The following CCDC152 variants were observed in gnomAD, a reference collection of about 807,000 sequenced individuals.
The protein encoded by CCDC152 is coiled-coil domain-containing protein 152.
CCDC152 carries 37 observed loss-of-function variants against 38.1 expected under a neutral mutation model. The ratio of observed to expected loss-of-function variants is 0.97; its 90% CI spans 0.75 to 1.28. The LOEUF (loss-of-function observed/expected upper bound fraction) is 1.28, where lower values mean the gene tolerates loss of function less well. CCDC152 is among the 50% of genes most tolerant of loss of function. The pLI is 0.00. For synonymous variants in CCDC152, 83 were observed against 87.1 expected, an observed-to-expected ratio of 0.95 and a Z score of 0.26; for missense variants, 259 against 292.1, an observed-to-expected ratio of 0.89 and a Z score of 0.83.
chr5:42,766,427 A>G, intron 3 of CCDC152, among the ~76,000 whole-genome samples: 1 of 152,172 alleles, frequency 6.6e-6, no homozygotes, highest in East Asian at 1.9e-4. Context: ...TATACACAGA[A>G]GAAAGGAAAT....
rs1490723701 is a variant in CCDC152, at chr5:42,800,546, G to C, written c.*765G>C. 5 of 710,408 alleles carry C rather than the reference G, an allele frequency of 7.0e-6. No homozygotes were observed. The highest frequency in any genetic ancestry group is 6.6e-6 in the Non-Finnish European group (3 of 456,134). The allele number at this position is 710,408 out of a possible 1,614,324, so 44.0% of individuals were successfully genotyped here. The stretch of plus-strand genomic sequence containing the variant: ...TGCTCCATCATAAAAAATATGGTTT[G>C]AGTCAATATTTCTATGACATAAAAT... On this transcript the variant is annotated 3_prime_UTR_variant, in exon 9 of 9. Coordinates refer to ENST00000361970, the MANE Select transcript of CCDC152 (RefSeq NM_001134848.2).
intron 5 of CCDC152, among the ~76,000 whole-genome samples, chr5:42,783,192 ATACTT>A (rs1759871757): frequency 6.6e-6 from 1 of 152,152 alleles, no homozygotes; most frequent in South Asian, 2.1e-4. Context: ...TAAAAAATAA[ATACTT>A]TATACATACA....
chr5:42,789,544 G>A (rs949660502), intron 6 of CCDC152, among the ~76,000 whole-genome samples: 1 of 152,086 alleles, frequency 6.6e-6, no homozygotes, highest in African/African-American at 2.4e-5. Context: ...ATATATTTAT[G>A]TATGTAAATA....
intron 4 of CCDC152, among the ~76,000 whole-genome samples, chr5:42,775,173 A>G (rs568937595): frequency 6.6e-6 from 1 of 152,282 alleles, no homozygotes; most frequent in Non-Finnish European, 1.5e-5. Flanking sequence ...ATAATGACTG[A>G]GAATTTCCCC....
chr5:42,801,265 G>C lies in CCDC152; in HGVS notation c.*1484G>C. ...TGCTCATGATGGTAATGAGGCGATG[G>C]AGTTTCAACTGTTTTATCCACAGTA... On this transcript the variant is annotated 3_prime_UTR_variant, in exon 9 of 9. Transcript: ENST00000361970. 6.2e-7 allele frequency: 1 copy of C among 1,614,052 alleles called. No individual in the cohort carries two copies. The highest frequency in any genetic ancestry group is 8.5e-7 in the Non-Finnish European group (1 of 1,179,974).
At chr5:42,771,962 GA>G (rs1227255673) in intron 4 of CCDC152, among the ~76,000 whole-genome samples, 1 of 152,106 alleles carries the variant, frequency 6.6e-6, no homozygotes, top group Admixed American at 6.5e-5. Flanking sequence ...TGCAAGGAAA[GA>G]AAATTACATC....
chr5:42,773,700 C>G (rs1259624324), intron 4 of CCDC152, among the ~76,000 whole-genome samples: 1 of 152,136 alleles, frequency 6.6e-6, no homozygotes, highest in African/African-American at 2.4e-5. Flanking sequence ...AAGAAAGTAT[C>G]AGAGCTGTCA....
intron 1 of CCDC152, among the ~76,000 whole-genome samples, chr5:42,757,366 G>A (rs1316638949): frequency 2.0e-5 from 3 of 152,122 alleles, no homozygotes; most frequent in African/African-American, 7.2e-5. Context: ...GGGAGAGGAC[G>A]AGCCCCGGGA....
rs373816376 is a variant in CCDC152 at position 42,780,185 on chromosome 5, T to C, written c.327+663T>C. Among the ~76,000 whole-genome samples, 295 of 152,286 alleles carry C rather than the reference T, an allele frequency of 1.9e-3. 2 individuals carry two copies. In the South Asian group the frequency reaches 0.023, roughly 12 times the overall value. On this transcript the variant is annotated intron_variant, in intron 5 of 8. Transcript: ENST00000361970. ...TCAAATTCTAGCAGACAAAAGATCCTCAAAACTCAAGTTGAATCTATAGGA... is the reference window on the plus strand; with the variant it reads ...TCAAATTCTAGCAGACAAAAGATCCCCAAAACTCAAGTTGAATCTATAGGA...
rs1001961792 is a variant in CCDC152 at position 42,801,260 on chromosome 5, C to T, written c.*1479C>T. The T allele has an allele frequency of 5.0e-6, 8 of 1,613,744 alleles. No individual in the cohort carries two copies. Among genetic ancestry groups the T allele is most frequent in the East Asian group, 4.5e-5 (2 of 44,878 alleles). On this transcript the variant is annotated 3_prime_UTR_variant, in exon 9 of 9. Transcript: ENST00000361970. ...GATGATGCTCATGATGGTAATGAGG[C>T]GATGGAGTTTCAACTGTTTTATCCA...
intron 3 of CCDC152, among the ~76,000 whole-genome samples, chr5:42,767,379 A>T (rs1039384365): frequency 3.9e-5 from 6 of 152,180 alleles, no homozygotes; most frequent in Non-Finnish European, 8.8e-5. Context: ...TAATATTTGC[A>T]ACTATTGTAT....
chr5:42,784,788 A>G (rs770873958), intron 6 of CCDC152, among the ~76,000 whole-genome samples: 1 of 152,166 alleles, frequency 6.6e-6, no homozygotes, highest in African/African-American at 2.4e-5. Context: ...ATGGTAAGGG[A>G]TGGAGGTCCA....
At chr5:42,778,695 T>C (rs2111561796) in intron 4 of CCDC152, among the ~76,000 whole-genome samples, 1 of 152,292 alleles carries the variant, frequency 6.6e-6, no homozygotes, top group South Asian at 2.1e-4. Context: ...CTTTTTTCCA[T>C]ACTGCCGCTG....
intron 4 of CCDC152, among the ~76,000 whole-genome samples, chr5:42,773,281 T>C (rs1013104456): frequency 9.9e-5 from 15 of 152,204 alleles, no homozygotes; most frequent in Admixed American, 2.6e-4. Context: ...TAGGGACTTA[T>C]GGATTATGTA....
At chr5:42,760,637 A>G (rs945539496) in intron 2 of CCDC152, among the ~76,000 whole-genome samples, 1 of 152,172 alleles carries the variant, frequency 6.6e-6, no homozygotes, top group African/African-American at 2.4e-5. Flanking sequence ...GAGGGAGGCT[A>G]ATATCTACTT....
chr5:42,800,341 G>C lies in CCDC152; in HGVS notation c.*560G>C, dbSNP rs1056946481. 6.1e-6 allele frequency: 1 copy of C among 164,364 alleles called. No homozygotes were observed. The highest frequency in any genetic ancestry group is 1.3e-5 in the Non-Finnish European group (1 of 76,546). The allele number at this position is 164,364 out of a possible 1,614,324, so 10.2% of individuals were successfully genotyped here. On this transcript the variant is annotated 3_prime_UTR_variant, in exon 9 of 9. Coordinates refer to ENST00000361970, the MANE Select transcript of CCDC152 (RefSeq NM_001134848.2). The stretch of plus-strand genomic sequence containing the variant: ...AAGACAAAGTAATATTGTTTTGAGA[G>C]ATAAGTAAAGAAAAAAATGGAAAGC...
At chr5:42,778,997 G>A (rs987545704) in intron 4 of CCDC152, among the ~76,000 whole-genome samples, 2 of 152,100 alleles carry the variant, frequency 1.3e-5, no homozygotes, top group Admixed American at 6.6e-5. Flanking sequence ...AATACCGTAC[G>A]TGAATTGTAG....
intron 4 of CCDC152, among the ~76,000 whole-genome samples, chr5:42,774,316 C>A (rs928787476): frequency 2.0e-5 from 3 of 152,126 alleles, no homozygotes; most frequent in Non-Finnish European, 4.4e-5. Context: ...TAAGTTTTAC[C>A]TGTGAGAGCT....
At chr5:42,796,554 G>A (rs1339103840) in intron 6 of CCDC152, among the ~76,000 whole-genome samples, 1 of 152,104 alleles carries the variant, frequency 6.6e-6, no homozygotes, top group African/African-American at 2.4e-5. Flanking sequence ...TTCAACCACT[G>A]TATCTCCCAT....
Sources: gnomAD v4.1 joint callset for allele counts (sites outside exome capture counted in the v4.1 genomes callset) on GRCh38, gnomAD v4.1.1 for gene constraint, MANE v1.5 for transcripts, NCBI Gene and HGNC (gene_info 2026-07-23, HGNC 2026-07-21) for gene names.